Variants in MYOM2 observed in about 807,000 individuals in gnomAD.
The protein encoded by MYOM2 is myomesin-2.
Under a neutral mutation model 187.6 loss-of-function variants are expected in MYOM2, and 254 were observed. The observed-to-expected ratio is 1.35, with a 90% CI of 1.22 to 1.50. MYOM2 has a LOEUF of 1.50. Among genes scored for constraint, MYOM2 ranks in the 40% most tolerant of loss-of-function variants. The probability of loss-of-function intolerance (pLI) is 0.00; values close to 1 mark genes in which losing one functional copy is unlikely to be tolerated. For synonymous variants in MYOM2, 981 were observed against 753.8 expected, an observed-to-expected ratio of 1.30 and a Z score of -4.94; for missense variants, 2,796 against 1,924.0, an observed-to-expected ratio of 1.45 and a Z score of -8.48.
At chr8:2,045,806 C>T (rs1335217108) in intron 1 of MYOM2, among the ~76,000 whole-genome samples, 3 of 152,192 alleles carry the variant, frequency 2.0e-5, no homozygotes, top group Non-Finnish European at 4.4e-5. Flanking sequence ...CTTCTCAGGG[C>T]GTGCTCTTGA....
At chr8:2,081,156 T>C (rs112407116) in intron 13 of MYOM2, among the ~76,000 whole-genome samples, 37 of 55,708 alleles carry the variant, frequency 6.6e-4, no homozygotes, top group South Asian at 9.5e-4. Flanking sequence ...CCAGCCCGTG[T>C]AGAATGAGGT....
At chr8:2,059,759 T>TTTTTTA (rs1818790479) in intron 6 of MYOM2, among the ~76,000 whole-genome samples, 1 of 150,286 alleles carries the variant, frequency 6.7e-6, no homozygotes, top group Non-Finnish European at 1.5e-5. Context: ...TTTTTTTTTT[T>TTTTTTA]GAGGCAGAGT....
chr8:2,061,827 A>G (rs1733429305), intron 6 of MYOM2, among the ~76,000 whole-genome samples: 1 of 152,202 alleles, frequency 6.6e-6, no homozygotes, highest in African/African-American at 2.4e-5. Context: ...GGCCCTGCTC[A>G]CAGAGAGCTT....
chr8:2,139,800 A>G (rs1798212870), intron 32 of MYOM2, among the ~76,000 whole-genome samples: 1 of 152,220 alleles, frequency 6.6e-6, no homozygotes, highest in South Asian at 2.1e-4. Flanking sequence ...GAAATAACTT[A>G]TACACTTTTG....
At chr8:2,127,399 T>C (rs968258813) in intron 31 of MYOM2, among the ~76,000 whole-genome samples, 10 of 152,168 alleles carry the variant, frequency 6.6e-5, no homozygotes, top group Non-Finnish European at 1.5e-4. Flanking sequence ...ACTTTTTGGC[T>C]TTCTTAGCCC....
At chr8:2,111,636 C>T (rs370589242) in intron 25 of MYOM2, among the ~76,000 whole-genome samples, 26 of 152,312 alleles carry the variant, frequency 1.7e-4, no homozygotes, top group East Asian at 1.5e-3. Flanking sequence ...GTCCACGGGA[C>T]GGTGTATCCA....
chr8:2,066,509 G>A (rs1819024799), intron 6 of MYOM2, among the ~76,000 whole-genome samples: 1 of 152,196 alleles, frequency 6.6e-6, no homozygotes, highest in Admixed American at 6.5e-5. Context: ...ATATATTTGG[G>A]TTTGGAGAAT....
intron 28 of MYOM2, among the ~76,000 whole-genome samples, chr8:2,120,697 AT>A (rs1563069411): frequency 6.1e-5 from 3 of 49,318 alleles, no homozygotes; most frequent in African/African-American, 2.4e-4. Context: ...TAAATATATA[AT>A]ATATATATTT....
intron 21 of MYOM2, among the ~76,000 whole-genome samples, chr8:2,103,806 A>G (rs1239153195): frequency 2.6e-5 from 4 of 151,870 alleles, no homozygotes; most frequent in African/African-American, 9.7e-5. Flanking sequence ...GTATAGGTAT[A>G]TGGATAAATG....
chr8:2,141,811 T>C lies in MYOM2; in HGVS notation c.4002-564T>C, dbSNP rs147847759. On this transcript the variant is annotated intron_variant, in intron 34 of 36. Transcript: ENST00000262113. ...GTTTCTAATCAAGGAAGACTTAAAA[T>C]GGCGATGCTAGTCCAAGATGGCGGT... Among the ~76,000 whole-genome samples, 717 of 152,294 alleles carry C rather than the reference T, an allele frequency of 4.7e-3. 14 individuals are homozygous for C. The highest frequency in any genetic ancestry group is 0.045 in the East Asian group (233 of 5,176).
chr8:2,095,819 A>C (rs553015287), intron 17 of MYOM2, among the ~76,000 whole-genome samples: 1 of 152,314 alleles, frequency 6.6e-6, no homozygotes, highest in African/African-American at 2.4e-5. Context: ...GCAGGAAATT[A>C]AAACAAACTG....
intron 28 of MYOM2, among the ~76,000 whole-genome samples, chr8:2,122,425 G>C (rs1352371813): frequency 1.3e-5 from 2 of 152,220 alleles, no homozygotes; most frequent in Non-Finnish European, 2.9e-5. Context: ...GCTTCACAGA[G>C]ATTCAGTCCC....
chr8:2,114,427 G>A (rs1447794426), intron 25 of MYOM2, among the ~76,000 whole-genome samples: 1 of 152,176 alleles, frequency 6.6e-6, no homozygotes, highest in East Asian at 1.9e-4. Context: ...AACTGTGTGG[G>A]CAAATGTTTG....
rs781147562 is a variant in MYOM2 at position 2,123,361 on chromosome 8, C to G, written c.3563C>G (p.Pro1188Arg). 6.3e-7 allele frequency: 1 copy of G among 1,597,556 alleles called. No individual in the cohort carries two copies. The highest frequency in any genetic ancestry group is 8.5e-7 in the Non-Finnish European group (1 of 1,170,782). ...LERGICELLI[P>R]KLSKKDHGEY... ...AGGGGAATCTGTGAGCTCCTCATCC[C>G]AAAGGTATCAGGCATTGAGTAACAC... Residue 1188 changes from proline to arginine, a missense_variant, in exon 29 of 37, where the codon CCA becomes CGA. Physicochemically the swap from Pro to Arg is moderately radical, Grantham distance 103 (BLOSUM62 -2). Coordinates refer to ENST00000262113, the MANE Select transcript of MYOM2 (RefSeq NM_003970.4).
intron 13 of MYOM2, among the ~76,000 whole-genome samples, chr8:2,083,687 C>T (rs1036957361): frequency 2.6e-5 from 4 of 152,238 alleles, no homozygotes; most frequent in African/African-American, 9.6e-5. Flanking sequence ...GCTTCCCTCT[C>T]CCTGGCTCGA....
At chr8:2,134,939 T>TA (rs1798016064) in intron 32 of MYOM2, among the ~76,000 whole-genome samples, 1 of 152,140 alleles carries the variant, frequency 6.6e-6, no homozygotes, top group African/African-American at 2.4e-5. Flanking sequence ...CCGCGGGTCT[T>TA]ACATGCTCTG....
rs112086827 is a variant in MYOM2, at chr8:2,054,983, C to G, written c.264-2365C>G. Among the ~76,000 whole-genome samples the G allele has an allele frequency of 8.3e-5, 10 of 121,014 alleles. 1 individual carries two copies. Among genetic ancestry groups the G allele is most frequent in the African/African-American group, 2.7e-4 (10 of 36,614 alleles). 79.4% of individuals were successfully genotyped at this position (121,014 alleles called of 152,430 possible). A position where few individuals can be genotyped will look rare whatever the true frequency, so the allele number is the denominator to read the frequency against. ...ACTGGGGGAACCAAGTACCTGGATA[C>G]TGGGGGGACGAAGTACCTGGATACT... On this transcript the variant is annotated intron_variant, in intron 3 of 36. Coordinates refer to ENST00000262113, the MANE Select transcript of MYOM2 (RefSeq NM_003970.4).
intron 21 of MYOM2, 115 bp from the exon 22 acceptor site, chr8:2,106,127 A>G: frequency 2.8e-6 from 3 of 1,072,922 alleles, no homozygotes; most frequent in Non-Finnish European, 4.1e-6. Flanking sequence ...GGGGATTACA[A>G]TTTGAGATGA....
intron 6 of MYOM2, among the ~76,000 whole-genome samples, chr8:2,065,904 G>A (rs1415749064): frequency 6.6e-6 from 1 of 152,192 alleles, no homozygotes; most frequent in South Asian, 2.1e-4. Flanking sequence ...TAAAACACAC[G>A]GAGGAAGAAA....
Sources: allele counts gnomAD v4.1 joint callset (sites outside exome capture counted in the v4.1 genomes callset), GRCh38; gene constraint gnomAD v4.1.1; transcripts MANE v1.5; gene names NCBI Gene and HGNC (gene_info 2026-07-23, HGNC 2026-07-21).